FRMPD4: variants seen among roughly 807,000 people sequenced by gnomAD.
FRMPD4 encodes the protein FERM and PDZ domain containing 4.
In FRMPD4, 22 loss-of-function variants were observed where a neutral mutation model predicts 94.1. The observed-to-expected ratio is 0.23, with a 90% CI of 0.17 to 0.33. FRMPD4 has a LOEUF of 0.33. Among genes scored for constraint, FRMPD4 ranks in the 10% least tolerant of loss-of-function variants. The pLI is 1.00. For synonymous variants in FRMPD4, 631 were observed against 548.6 expected (o/e 1.15, Z -2.10); for missense variants, 1,111 against 1,339.9 (o/e 0.83, Z 2.67).
At chrX:11,962,478 G>C (rs2054288902) in intron 3 of FRMPD4, among the ~76,000 whole-genome samples, 2 of 111,672 alleles carry the variant, frequency 1.8e-5, no homozygotes, top group Non-Finnish European at 3.8e-5. Flanking sequence ...TGGGTATTAG[G>C]TTCCAACATA....
At chrX:12,682,342 T>G (rs912696391) in intron 5 of FRMPD4, among the ~76,000 whole-genome samples, 1 of 112,238 alleles carries the variant, frequency 8.9e-6, no homozygotes, top group African/African-American at 3.2e-5. Flanking sequence ...ATTAGTACAA[T>G]AAATAGAGGG....
chrX:12,358,271 C>A (rs2055925761), intron 1 of FRMPD4, among the ~76,000 whole-genome samples: 1 of 111,123 alleles, frequency 9.0e-6, no homozygotes, highest in South Asian at 3.8e-4. Context: ...CTGCCCCCAC[C>A]CCTCCTAGGT....
chrX:11,972,463 G>A (rs1035154705), intron 3 of FRMPD4, among the ~76,000 whole-genome samples: 7 of 112,075 alleles, frequency 6.2e-5, no homozygotes, highest in African/African-American at 2.3e-4. Flanking sequence ...AGTTTTCCAG[G>A]GAAACTTTAT....
At chrX:12,584,998 GCAAC>G (rs1424256449) in intron 2 of FRMPD4, among the ~76,000 whole-genome samples, 4 of 111,414 alleles carry the variant, frequency 3.6e-5, no homozygotes, top group Non-Finnish European at 7.5e-5. Context: ...TCTGTTCACT[GCAAC>G]CTCCGCCTTC....
At chrX:12,229,775 T>C (rs184390735) in intron 1 of FRMPD4, among the ~76,000 whole-genome samples, 1 of 111,973 alleles carries the variant, frequency 8.9e-6, no homozygotes, top group Admixed American at 9.5e-5. Context: ...CTTCACTTCT[T>C]CACTAAAATC....
chrX:12,054,544 T>C (rs1381912906), intron 3 of FRMPD4, among the ~76,000 whole-genome samples: 1 of 111,494 alleles, frequency 9.0e-6, no homozygotes, highest in East Asian at 2.8e-4. Context: ...TTTCCTTCCA[T>C]ATAACTTACT....
chrX:12,652,876 C>T (rs745516573), intron 4 of FRMPD4, among the ~76,000 whole-genome samples: 4 of 111,920 alleles, frequency 3.6e-5, no homozygotes, highest in Admixed American at 9.5e-5. Context: ...GTCACTTTCA[C>T]GGTTCTTCCA....
intron 1 of FRMPD4, among the ~76,000 whole-genome samples, chrX:12,181,156 G>A (rs1326034630): frequency 1.8e-5 from 2 of 111,853 alleles, no homozygotes; most frequent in African/African-American, 3.2e-5. Context: ...AAGGAGAATG[G>A]AAGGAACTGG....
At chrX:11,929,841 C>T (rs1440044604) in intron 3 of FRMPD4, among the ~76,000 whole-genome samples, 1 of 110,669 alleles carries the variant, frequency 9.0e-6, no homozygotes, top group Non-Finnish European at 1.9e-5. Context: ...GGTGCGGTGG[C>T]TCACACCTGT....
chrX:12,714,000 A>G (rs923043060), intron 14 of FRMPD4, among the ~76,000 whole-genome samples: 3 of 111,824 alleles, frequency 2.7e-5, no homozygotes, highest in Non-Finnish European at 5.6e-5. Context: ...GGGTCTCAGT[A>G]AGTATCCATC....
chrX:12,685,956 C>T, intron 6 of FRMPD4, 141 bp from the exon 7 acceptor site: 2 of 337,289 alleles, frequency 5.9e-6, no homozygotes, highest in East Asian at 9.3e-5. Context: ...CACATATCAC[C>T]AAAGGAATGC....
intron 1 of FRMPD4, among the ~76,000 whole-genome samples, chrX:12,175,860 C>G (rs770779060): frequency 1.8e-4 from 20 of 111,559 alleles, no homozygotes; most frequent in Non-Finnish European, 3.4e-4. Context: ...GTTGAGCCCT[C>G]AAGTTTAAGA....
chrX:12,091,332 A>G (rs2055152212), intron 3 of FRMPD4, among the ~76,000 whole-genome samples: 1 of 112,198 alleles, frequency 8.9e-6, no homozygotes, highest in South Asian at 3.7e-4. Flanking sequence ...GAAGGGCCAG[A>G]TAACAAATAT....
rs1270625291 is a variant in FRMPD4, at chrX:12,317,605, AAAAAAAAC to A, written c.41+178599_41+178606del. Among the ~76,000 whole-genome samples, 180 of 96,841 alleles carry A rather than the reference AAAAAAAAC, an allele frequency of 1.9e-3. 3 individuals are homozygous for A. Among genetic ancestry groups the A allele is most frequent in the African/African-American group, 7.7e-3 (168 of 21,692 alleles). 84.1% of individuals were successfully genotyped at this position (96,841 alleles called of 115,157 possible). A position where few individuals can be genotyped will look rare whatever the true frequency, so the allele number is the denominator to read the frequency against. The stretch of plus-strand genomic sequence containing the variant: ...AATAGCAAAAAAAAAAAAAAAAAAC[AAAAAAAAC>A]AAAAACCCAAGTAATCTGATTAAAA... On this transcript the variant is annotated intron_variant, in intron 1 of 16. Coordinates refer to ENST00000675598, the MANE Select transcript of FRMPD4 (RefSeq NM_001368397.1).
At chrX:12,317,500 C>T (rs748984826) in intron 1 of FRMPD4, among the ~76,000 whole-genome samples, 2 of 103,636 alleles carry the variant, frequency 1.9e-5, no homozygotes, top group African/African-American at 3.6e-5. Flanking sequence ...AGACAGCCCA[C>T]GGAATGGGAG....
chrX:12,523,703 A>G (rs1489907682), intron 2 of FRMPD4, among the ~76,000 whole-genome samples: 1 of 111,777 alleles, frequency 8.9e-6, no homozygotes, highest in Non-Finnish European at 1.9e-5. Context: ...CAAAATTAAA[A>G]CAAAGTTAGT....
At chrX:12,556,985 G>A (rs1052440790) in intron 2 of FRMPD4, among the ~76,000 whole-genome samples, 2 of 111,492 alleles carry the variant, frequency 1.8e-5, no homozygotes, top group African/African-American at 3.3e-5. Flanking sequence ...TTGTATTTTC[G>A]GTAGACATGA....
At chrX:12,664,726 T>A (rs1485499208) in intron 4 of FRMPD4, among the ~76,000 whole-genome samples, 3 of 111,916 alleles carry the variant, frequency 2.7e-5, no homozygotes, top group Non-Finnish European at 5.6e-5. Context: ...ATAAAATGAG[T>A]CAGGGAGGAG....
chrX:12,149,826 A>C (rs1293201796), intron 1 of FRMPD4, among the ~76,000 whole-genome samples: 1 of 111,828 alleles, frequency 8.9e-6, no homozygotes, highest in Non-Finnish European at 1.9e-5. Context: ...AGCAAACTTC[A>C]TTGTTGTCTT....
Sources: gnomAD v4.1 joint callset for allele counts (sites outside exome capture counted in the v4.1 genomes callset) on GRCh38, gnomAD v4.1.1 for gene constraint, MANE v1.5 for transcripts, NCBI Gene and HGNC (gene_info 2026-07-23, HGNC 2026-07-21) for gene names.